The following LMBRD1 variants were observed in gnomAD, a reference collection of about 807,000 sequenced individuals.
The protein encoded by LMBRD1 is lysosomal cobalamin transport escort protein LMBD1.
LMBRD1 carries 64 observed loss-of-function variants against 74.8 expected under a neutral mutation model. That is an observed-to-expected ratio of 0.86 (90% CI 0.70 to 1.05). The LOEUF is 1.05. Ranked by LOEUF, LMBRD1 falls within the 50% of genes least tolerant of loss-of-function variation. The pLI is 0.00. For missense variants in LMBRD1, 652 were observed against 645.9 expected (o/e 1.01, Z -0.10); for synonymous variants, 204 against 216.3 (o/e 0.94, Z 0.50).
intron 1 of LMBRD1, among the ~76,000 whole-genome samples, chr6:69,796,368 A>G (rs1766230089): frequency 6.6e-6 from 1 of 152,134 alleles, no homozygotes; most frequent in Admixed American, 6.5e-5. Flanking sequence ...AAAATGAGGG[A>G]AAAAACATAC....
chr6:69,704,804 A>T (rs2149847106), intron 9 of LMBRD1, among the ~76,000 whole-genome samples: 1 of 152,006 alleles, frequency 6.6e-6, no homozygotes, highest in East Asian at 1.9e-4. Flanking sequence ...GTTGTAATTC[A>T]TCTGTTTTTC....
At chr6:69,683,365 C>A (rs1271973097) in intron 14 of LMBRD1, among the ~76,000 whole-genome samples, 1 of 152,028 alleles carries the variant, frequency 6.6e-6, no homozygotes, top group African/African-American at 2.4e-5. Flanking sequence ...TAATAATTCA[C>A]TAACCTTGAT....
intron 7 of LMBRD1, among the ~76,000 whole-genome samples, chr6:69,728,471 C>T (rs1440179812): frequency 1.3e-5 from 2 of 152,184 alleles, no homozygotes; most frequent in Non-Finnish European, 2.9e-5. Flanking sequence ...AGGTATGTTT[C>T]CCTGTCCCCT....
rs572012264 is a variant in LMBRD1, at chr6:69,732,057, G to A, written c.636+5885C>T. 3.6e-4 allele frequency among the ~76,000 whole-genome samples: 55 copies of A among 152,094 alleles called. 1 individual carries two copies. The South Asian group carries it at 9.5e-3, about 26-fold the overall frequency. ...TAAAGTAACGGTGCACCTTACAATCGGTAGCATATATTCAGTGAAATATGC... is the reference window on the plus strand; with the variant it reads ...TAAAGTAACGGTGCACCTTACAATCAGTAGCATATATTCAGTGAAATATGC... On this transcript the variant is annotated intron_variant, in intron 7 of 15. Coordinates refer to ENST00000649934, the MANE Select transcript of LMBRD1 (RefSeq NM_018368.4).
At chr6:69,701,328 TTCA>T in intron 11 of LMBRD1, 112 bp downstream of exon 11, 2 of 684,538 alleles carry the variant, frequency 2.9e-6, no homozygotes, top group Non-Finnish European at 5.3e-6. Context: ...TGTCAAACTA[TTCA>T]TAGGTTTTTA....
At chr6:69,698,565 GATC>G (rs1441166759) in intron 13 of LMBRD1, among the ~76,000 whole-genome samples, 5 of 151,878 alleles carry the variant, frequency 3.3e-5, no homozygotes, top group African/African-American at 9.7e-5. Context: ...GCTTTTGAGA[GATC>G]ACCACCACCA....
At chr6:69,714,241 A>G (rs1196590925) in intron 8 of LMBRD1, among the ~76,000 whole-genome samples, 2 of 151,958 alleles carry the variant, frequency 1.3e-5, no homozygotes, top group African/African-American at 4.8e-5. Flanking sequence ...TTCTCAGCCC[A>G]ATTCAAATGC....
intron 1 of LMBRD1, among the ~76,000 whole-genome samples, chr6:69,795,963 A>G (rs943869435): frequency 7.2e-5 from 11 of 152,378 alleles, no homozygotes; most frequent in Admixed American, 4.6e-4. Flanking sequence ...AAGTAACTAC[A>G]GCCTCGGACG....
Position 69,695,520 on chromosome 6 carries a change from T to C in LMBRD1, c.1417+2043A>G, listed in dbSNP as rs552795712. Among the ~76,000 whole-genome samples, 5 of 152,262 alleles carry C rather than the reference T, an allele frequency of 3.3e-5. No homozygotes were observed. The East Asian group carries it at 7.7e-4, about 23-fold the overall frequency. ...CAAAATCCACGAATGCTCAAGTCCCTTACATAAAATGATGTACTTATACAC... is the reference window on the plus strand; with the variant it reads ...CAAAATCCACGAATGCTCAAGTCCCCTACATAAAATGATGTACTTATACAC... On this transcript the variant is annotated intron_variant, in intron 14 of 15. Coordinates refer to ENST00000649934, the MANE Select transcript of LMBRD1 (RefSeq NM_018368.4).
rs6455337 is a variant in LMBRD1, at chr6:69,674,058, C to G, written c.*2100G>C. Among the ~76,000 whole-genome samples, 72,633 of 151,812 alleles carry G rather than the reference C, an allele frequency of 0.48. 17,973 individuals are homozygous for G. Among genetic ancestry groups the G allele is most frequent in the African/African-American group, 0.6 (24,767 of 41,408 alleles). On this transcript the variant is annotated 3_prime_UTR_variant, in exon 16 of 16. Coordinates refer to ENST00000649934, the MANE Select transcript of LMBRD1 (RefSeq NM_018368.4). The stretch of plus-strand genomic sequence containing the variant: ...TTTCTCACAGATCTGGAAGCTGGAA[C>G]CTCAAGATTAAAGGGTTGACAACAC...
intron 2 of LMBRD1, among the ~76,000 whole-genome samples, chr6:69,783,259 C>T (rs1372968430): frequency 2.0e-5 from 3 of 152,174 alleles, no homozygotes; most frequent in Admixed American, 2.0e-4. Flanking sequence ...ATTTTTTCAT[C>T]AATGATTCAA....
At chr6:69,703,775 GAC>G (rs1766187454) in intron 9 of LMBRD1, among the ~76,000 whole-genome samples, 1 of 151,950 alleles carries the variant, frequency 6.6e-6, no homozygotes, top group Admixed American at 6.6e-5. Flanking sequence ...AATGGAATAA[GAC>G]ATATGCAAAA....
intron 7 of LMBRD1, among the ~76,000 whole-genome samples, chr6:69,731,965 C>T (rs1478393334): frequency 6.6e-6 from 1 of 152,082 alleles, no homozygotes; most frequent in Non-Finnish European, 1.5e-5. Flanking sequence ...ATCTCACTCA[C>T]TAAATATAAA....
intron 5 of LMBRD1, among the ~76,000 whole-genome samples, chr6:69,748,985 T>C (rs1051481447): frequency 6.6e-6 from 1 of 152,010 alleles, no homozygotes; most frequent in Non-Finnish European, 1.5e-5. Context: ...AAACGCAATA[T>C]AGTCAAAATT....
intron 2 of LMBRD1, among the ~76,000 whole-genome samples, chr6:69,781,350 A>G (rs1765832621): frequency 6.6e-6 from 1 of 152,200 alleles, no homozygotes; most frequent in African/African-American, 2.4e-5. Flanking sequence ...TTAAACGTGG[A>G]GAATCTAAAG....
intron 6 of LMBRD1, among the ~76,000 whole-genome samples, chr6:69,739,834 G>A (rs1767060284): frequency 6.6e-6 from 1 of 152,176 alleles, no homozygotes. Flanking sequence ...TAGGCCGGGT[G>A]CAGTGGCTCA....
At chr6:69,796,640 C>T (rs560109658) in intron 1 of LMBRD1, among the ~76,000 whole-genome samples, 173 bp downstream of exon 1, 35 of 152,254 alleles carry the variant, frequency 2.3e-4, no homozygotes, top group African/African-American at 8.4e-4. Context: ...TCGACACCCC[C>T]CTGCCCCCGC....
intron 9 of LMBRD1, among the ~76,000 whole-genome samples, chr6:69,709,203 C>T (rs1766329264): frequency 6.6e-6 from 1 of 151,020 alleles, no homozygotes; most frequent in Admixed American, 6.6e-5. Context: ...CATTGGACTC[C>T]AGCCTGGGCA....
chr6:69,774,172 G>A (rs1467330801), intron 3 of LMBRD1, among the ~76,000 whole-genome samples: 6 of 152,176 alleles, frequency 3.9e-5, no homozygotes, highest in Admixed American at 3.9e-4. Flanking sequence ...CAGTGATTAA[G>A]TCTCACGAGA....
Sources: allele counts gnomAD v4.1 joint callset (sites outside exome capture counted in the v4.1 genomes callset), GRCh38; gene constraint gnomAD v4.1.1; transcripts MANE v1.5; gene names NCBI Gene and HGNC (gene_info 2026-07-23, HGNC 2026-07-21).